TCHP: variants seen among roughly 807,000 people sequenced by gnomAD.
TCHP encodes the protein trichoplein keratin filament-binding protein.
TCHP carries 81 observed loss-of-function variants against 88.7 expected under a neutral mutation model. That is an observed-to-expected ratio of 0.91 (90% CI 0.76 to 1.10). TCHP has a LOEUF of 1.10. Ranked by LOEUF, TCHP falls within the 50% of genes least tolerant of loss-of-function variation. The pLI, the probability that TCHP is intolerant of heterozygous loss-of-function variation, is 0.00. For synonymous variants in TCHP, 232 were observed against 232.5 expected, an observed-to-expected ratio of 1.00 and a Z score of 0.02; for missense variants, 641 against 632.1, an observed-to-expected ratio of 1.01 and a Z score of -0.15.
At chr12:109,907,844 A>G (rs966770471) in intron 6 of TCHP, 145 bp downstream of exon 6, 5 of 821,434 alleles carry the variant, frequency 6.1e-6, no homozygotes, top group African/African-American at 5.2e-5. Flanking sequence ...TCCCTCTCAC[A>G]TGCATCCCCA....
At chr12:109,897,750 G>T (rs1302468022), upstream of TCHP, among the ~76,000 whole-genome samples, 1 of 151,978 alleles carries the variant, frequency 6.6e-6, no homozygotes, top group Non-Finnish European at 1.5e-5. Context: ...TAGAGACAAG[G>T]TTTCGCCACG....
the TCHP span, among the ~76,000 whole-genome samples, chr12:109,890,042 A>C: frequency 7.2e-5 from 11 of 152,202 alleles, no homozygotes; most frequent in Non-Finnish European, 1.3e-4. Flanking sequence ...ACATTTTTTC[A>C]GTTACTGGAT....
chr12:109,916,916 A>G lies in TCHP; in HGVS notation c.*293A>G, dbSNP rs1870852254. On this transcript the variant is annotated 3_prime_UTR_variant, in exon 13 of 13. Coordinates refer to ENST00000405876, the MANE Select transcript of TCHP (RefSeq NM_001143852.2). ...TTAACAGTCACATCAACTGAAGGTCAATACTAAGAGCCACAGGTTGTACCT... is the reference window on the plus strand; with the variant it reads ...TTAACAGTCACATCAACTGAAGGTCGATACTAAGAGCCACAGGTTGTACCT... 1 of 334,272 alleles carries G rather than the reference A, an allele frequency of 3.0e-6. No homozygotes were observed. The highest frequency in any genetic ancestry group is 5.4e-6 in the Non-Finnish European group (1 of 185,140). The allele number at this position is 334,272 out of a possible 1,614,324, so 20.7% of individuals were successfully genotyped here.
intron 1 of TCHP, among the ~76,000 whole-genome samples, chr12:109,901,836 A>G (rs1869815742): frequency 6.6e-6 from 1 of 152,216 alleles, no homozygotes; most frequent in Non-Finnish European, 1.5e-5. Context: ...GGCCAAGAGA[A>G]TTTATTAGCC....
At chr12:109,915,268 C>G in intron 11 of TCHP, 135 bp from the exon 12 acceptor site, 2 of 1,220,820 alleles carry the variant, frequency 1.6e-6, no homozygotes, top group Non-Finnish European at 1.2e-6. Flanking sequence ...CCTTCCGTTC[C>G]TTGGCACGTG....
chr12:109,911,611 C>CAAAAAA (rs1209414114), intron 9 of TCHP, among the ~76,000 whole-genome samples: 15 of 45,304 alleles, frequency 3.3e-4, no homozygotes, highest in Non-Finnish European at 5.1e-4. Context: ...GACTCTGTCT[C>CAAAAAA]AAAAAAAAAA....
chr12:109,899,918 T>C, upstream of TCHP, among the ~76,000 whole-genome samples: 1 of 152,030 alleles, frequency 6.6e-6, no homozygotes, highest in Non-Finnish European at 1.5e-5. Flanking sequence ...CCCGCCTCAG[T>C]CTCCCGAGTA....
intron 7 of TCHP, 58 bp downstream of exon 7, chr12:109,908,756 G>C: frequency 6.4e-7 from 1 of 1,560,200 alleles, no homozygotes; most frequent in South Asian, 1.1e-5. Flanking sequence ...TGCTTTTTCA[G>C]ACTTGCATTC....
At chr12:109,890,792 G>A in the TCHP span, among the ~76,000 whole-genome samples, 21 of 152,254 alleles carry the variant, frequency 1.4e-4, no homozygotes, top group African/African-American at 3.1e-4. Context: ...TTACAGGCAC[G>A]AGCCACCGTG....
intron 11 of TCHP, chr12:109,915,201 C>T: frequency 1.5e-6 from 1 of 679,144 alleles, no homozygotes; most frequent in East Asian, 2.6e-5. Context: ...CATACAGCCT[C>T]TCCAGCTTTC....
chr12:109,882,135 T>C, the TCHP span, among the ~76,000 whole-genome samples: 1 of 152,004 alleles, frequency 6.6e-6, no homozygotes, highest in Admixed American at 6.6e-5. Flanking sequence ...TTGGCTGAGA[T>C]CGGATGTAGG....
chr12:109,914,759 A>G (rs1364472410), intron 11 of TCHP, 132 bp downstream of exon 11: 5 of 685,864 alleles, frequency 7.3e-6, no homozygotes, highest in African/African-American at 7.3e-5. Context: ...TCCCGTTTCC[A>G]TCCCAGCTGC....
rs370977423 is a variant in TCHP at position 109,916,667 on chromosome 12, T to C, written c.*44T>C. On this transcript the variant is annotated 3_prime_UTR_variant, in exon 13 of 13. Transcript: ENST00000405876. ...TACAGAGAACAAGGGATGCTGAGGC[T>C]TCTGATCCCAGCCGCCAGGCAGTTT... 1.5e-3 allele frequency: 2,405 copies of C among 1,598,198 alleles called. 3 individuals carry two copies. Among genetic ancestry groups the C allele is most frequent in the Non-Finnish European group, 1.9e-3 (2,276 of 1,172,694 alleles).
chr12:109,901,942 A>G (rs922719055), intron 1 of TCHP, among the ~76,000 whole-genome samples: 1 of 152,232 alleles, frequency 6.6e-6, no homozygotes, highest in Middle Eastern at 3.2e-3. Flanking sequence ...TACCTCTTCA[A>G]CGTAAGTTTC....
At chr12:109,897,539 T>TTTTTC (rs1422336018), upstream of TCHP, among the ~76,000 whole-genome samples, 8 of 145,468 alleles carry the variant, frequency 5.5e-5, no homozygotes, top group South Asian at 2.1e-4. Context: ...CACATATTTC[T>TTTTTC]TTTTCTTTTC....
chr12:109,909,326 T>C (rs1870350179), intron 8 of TCHP, among the ~76,000 whole-genome samples: 1 of 152,208 alleles, frequency 6.6e-6, no homozygotes, highest in Admixed American at 6.5e-5. Context: ...ACTGTGTTAC[T>C]TAAAAAGCAG....
At chr12:109,882,413 G>A in the TCHP span, among the ~76,000 whole-genome samples, 4 of 147,608 alleles carry the variant, frequency 2.7e-5, no homozygotes, top group Non-Finnish European at 3.0e-5. Flanking sequence ...CAGCCAGAGC[G>A]AGCGAGACTC....
intron 10 of TCHP, among the ~76,000 whole-genome samples, chr12:109,913,572 C>T (rs1196127450): frequency 6.6e-6 from 1 of 152,174 alleles, no homozygotes; most frequent in Non-Finnish European, 1.5e-5. Flanking sequence ...CCACACGTTT[C>T]CCCCCTCGGG....
chr12:109,901,613 G>C (rs1218056899), intron 1 of TCHP, among the ~76,000 whole-genome samples: 1 of 152,106 alleles, frequency 6.6e-6, no homozygotes, highest in South Asian at 2.1e-4. Context: ...AGTTGGTGTC[G>C]GGCAGAGCAC....
Sources: allele counts gnomAD v4.1 joint callset (sites outside exome capture counted in the v4.1 genomes callset), GRCh38; gene constraint gnomAD v4.1.1; transcripts MANE v1.5; gene names NCBI Gene and HGNC (gene_info 2026-07-23, HGNC 2026-07-21).